Variants in GUCY1A2 observed in about 807,000 individuals in gnomAD.
The protein encoded by GUCY1A2 is guanylate cyclase soluble subunit alpha-2.
In GUCY1A2, 27 loss-of-function variants were observed where a neutral mutation model predicts 63.5. The observed-to-expected ratio is 0.43, with a 90% CI of 0.31 to 0.59. The LOEUF (loss-of-function observed/expected upper bound fraction) is 0.59, where lower values mean the gene tolerates loss of function less well. GUCY1A2 is among the 20% of genes least tolerant of loss of function. GUCY1A2 has a pLI of 0.11. For synonymous variants in GUCY1A2, 364 were observed against 343.5 expected, an observed-to-expected ratio of 1.06 and a Z score of -0.66; for missense variants, 768 against 913.3, an observed-to-expected ratio of 0.84 and a Z score of 2.05.
intron 4 of GUCY1A2, among the ~76,000 whole-genome samples, chr11:106,875,988 A>T (rs1237924879): frequency 6.6e-6 from 1 of 152,024 alleles, no homozygotes; most frequent in African/African-American, 2.4e-5. Context: ...AAAAAGGTGA[A>T]TCCTTTTTAT....
intron 5 of GUCY1A2, among the ~76,000 whole-genome samples, chr11:106,788,348 C>T (rs1487953731): frequency 2.0e-5 from 3 of 151,928 alleles, no homozygotes; most frequent in Non-Finnish European, 4.4e-5. Flanking sequence ...TGTCTCTTCA[C>T]TTTGCTAATT....
intron 4 of GUCY1A2, among the ~76,000 whole-genome samples, chr11:106,916,974 G>A (rs1159601786): frequency 6.9e-6 from 1 of 145,716 alleles, no homozygotes; most frequent in Non-Finnish European, 1.5e-5. Context: ...TAATTAAAAT[G>A]TTGTTCTAGG....
chr11:106,712,945 G>T (rs568433245), intron 6 of GUCY1A2, among the ~76,000 whole-genome samples: 25 of 152,272 alleles, frequency 1.6e-4, no homozygotes, highest in African/African-American at 5.5e-4. Context: ...AATACATAAT[G>T]AGGATCCTTG....
At chr11:106,701,452 C>T (rs908619436) in intron 7 of GUCY1A2, among the ~76,000 whole-genome samples, 1 of 152,084 alleles carries the variant, frequency 6.6e-6, no homozygotes, top group African/African-American at 2.4e-5. Context: ...AAAGAGAAAA[C>T]GAATCTCCCT....
intron 4 of GUCY1A2, among the ~76,000 whole-genome samples, chr11:106,881,852 G>C (rs116845957): frequency 6.6e-6 from 1 of 151,892 alleles, no homozygotes; most frequent in Non-Finnish European, 1.5e-5. Flanking sequence ...GAAATGTTGC[G>C]TACTAATAAA....
intron 3 of GUCY1A2, among the ~76,000 whole-genome samples, chr11:106,949,885 A>T (rs144937362): frequency 0.012 from 1,820 of 152,332 alleles, 25 homozygotes; most frequent in South Asian, 0.047. Flanking sequence ...GAATCTATAA[A>T]AGAATGAATA....
intron 5 of GUCY1A2, among the ~76,000 whole-genome samples, chr11:106,796,560 C>T (rs1864764768): frequency 6.6e-6 from 1 of 152,076 alleles, no homozygotes; most frequent in African/African-American, 2.4e-5. Context: ...ATATGAAATT[C>T]TGGGTTGAAA....
chr11:106,976,460 T>C (rs754846307), intron 3 of GUCY1A2, among the ~76,000 whole-genome samples: 22 of 152,146 alleles, frequency 1.4e-4, no homozygotes, highest in Non-Finnish European at 2.6e-4. Context: ...CAAGCCAAGA[T>C]TAATCATAGC....
At chr11:107,012,260 C>T (rs1343267546) in intron 1 of GUCY1A2, among the ~76,000 whole-genome samples, 2 of 141,258 alleles carry the variant, frequency 1.4e-5, no homozygotes, top group Non-Finnish European at 1.5e-5. Flanking sequence ...CTTCTTATTA[C>T]TTTTTTTTTT....
At chr11:106,711,235 A>G (rs952500809) in intron 6 of GUCY1A2, among the ~76,000 whole-genome samples, 3 of 152,138 alleles carry the variant, frequency 2.0e-5, no homozygotes, top group Admixed American at 6.5e-5. Flanking sequence ...AGATTTATAA[A>G]AGAGTTGGCA....
chr11:106,813,318 C>A (rs1858789264), intron 4 of GUCY1A2, among the ~76,000 whole-genome samples: 3 of 151,792 alleles, frequency 2.0e-5, no homozygotes, highest in Admixed American at 2.0e-4. Flanking sequence ...CTATCACAAA[C>A]CTTGGTTGTC....
chr11:106,924,294 GACA>G (rs1275982937), intron 4 of GUCY1A2, among the ~76,000 whole-genome samples: 1 of 152,084 alleles, frequency 6.6e-6, no homozygotes, highest in East Asian at 1.9e-4. Context: ...TAGTTCAATG[GACA>G]ACTTCTTTAT....
Position 106,685,413 on chromosome 11 carries a change from G to T in GUCY1A2, c.*2136C>A, listed in dbSNP as rs1243388807. On this transcript the variant is annotated 3_prime_UTR_variant, in exon 8 of 8. Transcript: ENST00000526355. ...TGGAGATAATAAATATGTGTTTAGA[G>T]TAGTTGCTTAGACAAATCTTTATAA... 9.2e-6 allele frequency: 2 copies of T among 218,528 alleles called. No homozygotes were observed. Among genetic ancestry groups the T allele is most frequent in the African/African-American group, 4.5e-5 (2 of 44,564 alleles). 13.5% of individuals were successfully genotyped at this position (218,528 alleles called of 1,614,324 possible).
intron 4 of GUCY1A2, among the ~76,000 whole-genome samples, chr11:106,818,349 T>C (rs967366850): frequency 1.3e-5 from 2 of 152,146 alleles, no homozygotes; most frequent in Admixed American, 1.3e-4. Context: ...TATGGTAACC[T>C]GTGATCAGTG....
At chr11:106,899,508 T>C (rs969038249) in intron 4 of GUCY1A2, among the ~76,000 whole-genome samples, 1 of 152,192 alleles carries the variant, frequency 6.6e-6, no homozygotes, top group African/African-American at 2.4e-5. Context: ...TTAAAGGACT[T>C]AGCCTTTGTC....
intron 4 of GUCY1A2, among the ~76,000 whole-genome samples, chr11:106,877,994 A>G (rs951040976): frequency 6.6e-6 from 1 of 152,150 alleles, no homozygotes; most frequent in African/African-American, 2.4e-5. Context: ...ACTTTTCAAA[A>G]AAGGTATACA....
intron 4 of GUCY1A2, among the ~76,000 whole-genome samples, chr11:106,849,130 G>A (rs1368527643): frequency 1.3e-5 from 2 of 151,280 alleles, no homozygotes; most frequent in Non-Finnish European, 3.0e-5. Flanking sequence ...ATAATTTTCT[G>A]GATTACTGAT....
intron 1 of GUCY1A2, among the ~76,000 whole-genome samples, chr11:106,997,617 A>ACCC (rs377457144): frequency 0.012 from 1,469 of 119,758 alleles, no homozygotes; most frequent in Non-Finnish European, 0.016. Context: ...AAGATAGGGA[A>ACCC]CCCCCCCCCC....
chr11:106,729,984 C>T (rs1158052955), intron 6 of GUCY1A2, among the ~76,000 whole-genome samples: 1 of 147,952 alleles, frequency 6.8e-6, no homozygotes, highest in African/African-American at 2.5e-5. Flanking sequence ...TTGGCATAAA[C>T]AGGCACATTA....
Sources: allele counts gnomAD v4.1 joint callset (sites outside exome capture counted in the v4.1 genomes callset), GRCh38; gene constraint gnomAD v4.1.1; transcripts MANE v1.5; gene names NCBI Gene and HGNC (gene_info 2026-07-23, HGNC 2026-07-21).